WNK1: variants seen among roughly 807,000 people sequenced by gnomAD.
WNK1 encodes serine/threonine-protein kinase WNK1.
WNK1 carries 38 observed loss-of-function variants against 222.8 expected under a neutral mutation model. That is an observed-to-expected ratio of 0.17 (90% confidence interval 0.13 to 0.22). The LOEUF (loss-of-function observed/expected upper bound fraction) is 0.22, where lower values mean the gene tolerates loss of function less well. WNK1 is among the 10% of genes least tolerant of loss of function. The pLI, the probability that WNK1 is intolerant of heterozygous loss-of-function variation, is 1.00. For synonymous variants in WNK1, 1,090 were observed against 1,092.9 expected (o/e 1.00, Z 0.05); for missense variants, 2,348 against 2,918.4 (o/e 0.80, Z 4.50).
At chr12:863,476 ATTAC>A (rs1430520355) in intron 8 of WNK1, among the ~76,000 whole-genome samples, 2 of 152,082 alleles carry the variant, frequency 1.3e-5, no homozygotes, top group Non-Finnish European at 2.9e-5. Context: ...TCTGACAAAT[ATTAC>A]TTGTCAGCAT....
intron 11 of WNK1, 25 bp from the exon 12 acceptor site, chr12:880,696 C>G: frequency 1.2e-6 from 2 of 1,610,624 alleles, no homozygotes; most frequent in Non-Finnish European, 1.7e-6. Flanking sequence ...CCTGCTCTAA[C>G]TCACCTTCCT....
chr12:854,366 TG>T (rs66983952), intron 4 of WNK1, among the ~76,000 whole-genome samples: 1,428 of 138,200 alleles, frequency 0.01, 123 homozygotes, highest in African/African-American at 0.033. Context: ...TTTTTTTTTT[TG>T]TTTTTTTTGA....
intron 1 of WNK1, among the ~76,000 whole-genome samples, chr12:767,233 G>GGT (rs1941838763): frequency 9.2e-6 from 1 of 108,484 alleles, no homozygotes; most frequent in African/African-American, 3.9e-5. Flanking sequence ...TGGGTTGATA[G>GGT]GTTTTTTTTT....
chr12:806,972 C>G (rs1024006726), intron 1 of WNK1, among the ~76,000 whole-genome samples: 1 of 152,132 alleles, frequency 6.6e-6, no homozygotes, highest in South Asian at 2.1e-4. Flanking sequence ...TTTCCTGACT[C>G]TTCAAATCTT....
At chr12:823,679 T>C (rs1049686383) in intron 2 of WNK1, among the ~76,000 whole-genome samples, 5 of 152,250 alleles carry the variant, frequency 3.3e-5, no homozygotes, top group African/African-American at 7.2e-5. Context: ...GCAGCCATTG[T>C]TCTCAGCATT....
intron 1 of WNK1, among the ~76,000 whole-genome samples, chr12:774,868 C>G (rs554252374): frequency 6.6e-6 from 1 of 152,246 alleles, no homozygotes; most frequent in Non-Finnish European, 1.5e-5. Context: ...GTGCTTTTCT[C>G]CCCTAACCAG....
intron 23 of WNK1, 121 bp downstream of exon 23, chr12:894,756 CTT>C (rs1954590946): frequency 6.1e-6 from 5 of 821,602 alleles, no homozygotes; most frequent in Admixed American, 2.1e-5. Context: ...TCACATAGTA[CTT>C]TATAGCTCTT....
chr12:853,767 T>C (rs975236249), intron 4 of WNK1, among the ~76,000 whole-genome samples: 2 of 152,178 alleles, frequency 1.3e-5, no homozygotes, highest in Admixed American at 6.5e-5. Context: ...ACTTTTTTTT[T>C]TGAGACAGGG....
intron 1 of WNK1, chr12:781,016 C>T (rs909732146): frequency 1.3e-5 from 2 of 152,482 alleles, no homozygotes; most frequent in Admixed American, 6.5e-5. Context: ...TACATTGTGA[C>T]TTAGTATATG....
chr12:757,387 G>A (rs932873115), intron 1 of WNK1, among the ~76,000 whole-genome samples: 5 of 139,146 alleles, frequency 3.6e-5, no homozygotes, highest in South Asian at 4.7e-4. Context: ...GTGCAGTGGC[G>A]CAATCTGAGC....
chr12:764,806 G>A (rs1183808251), intron 1 of WNK1, among the ~76,000 whole-genome samples: 2 of 147,080 alleles, frequency 1.4e-5, no homozygotes, highest in African/African-American at 4.9e-5. Flanking sequence ...CACTGGTAAT[G>A]CCCTAGATTT....
intron 10 of WNK1, 127 bp from the exon 11 acceptor site, chr12:879,446 G>GT (rs35003296): frequency 0.013 from 6,930 of 518,128 alleles, 1 homozygote; most frequent in Middle Eastern, 0.024. Context: ...TTGGTTTGGT[G>GT]TTTTTTTTTT....
intron 1 of WNK1, among the ~76,000 whole-genome samples, chr12:778,483 A>G (rs1021416208): frequency 2.6e-5 from 4 of 151,740 alleles, no homozygotes; most frequent in African/African-American, 7.3e-5. Flanking sequence ...CAGGCATGCC[A>G]TCACGCCTGG....
intron 1 of WNK1, among the ~76,000 whole-genome samples, chr12:786,578 C>A (rs1208473255): frequency 6.6e-6 from 1 of 151,740 alleles, no homozygotes; most frequent in South Asian, 2.1e-4. Flanking sequence ...AGTGATTCTC[C>A]TGCCTCAGTT....
At chr12:779,667 G>C (rs1387063143) in intron 1 of WNK1, among the ~76,000 whole-genome samples, 10 of 152,102 alleles carry the variant, frequency 6.6e-5, no homozygotes, top group Admixed American at 3.3e-4. Flanking sequence ...CTCCCAAAGT[G>C]CTGGGATTAC....
chr12:791,793 C>G (rs1944869739), intron 1 of WNK1, among the ~76,000 whole-genome samples: 1 of 151,960 alleles, frequency 6.6e-6, no homozygotes, highest in Non-Finnish European at 1.5e-5. Context: ...TATCTCTAAT[C>G]TTAAATTGGG....
At chr12:886,157 C>T (rs1411007756) in intron 19 of WNK1, 73 bp downstream of exon 19, 1 of 1,307,332 alleles carries the variant, frequency 7.6e-7, no homozygotes, top group African/African-American at 1.5e-5. Flanking sequence ...ACATTTTTCA[C>T]TTCAGCCTTG....
chr12:760,862 C>T (rs1459167160), intron 1 of WNK1, among the ~76,000 whole-genome samples: 1 of 146,456 alleles, frequency 6.8e-6, no homozygotes, highest in African/African-American at 2.4e-5. Flanking sequence ...AAACCTCCAC[C>T]TCCTGTGTTC....
intron 1 of WNK1, among the ~76,000 whole-genome samples, chr12:789,678 A>G (rs1307111762): frequency 2.6e-5 from 4 of 152,018 alleles, no homozygotes; most frequent in African/African-American, 9.7e-5. Context: ...GTATGCCACC[A>G]AACGCCAGGC....
Sources: gnomAD v4.1 joint callset for allele counts (sites outside exome capture counted in the v4.1 genomes callset) on GRCh38, gnomAD v4.1.1 for gene constraint, MANE v1.5 for transcripts, NCBI Gene and HGNC (gene_info 2026-07-23, HGNC 2026-07-21) for gene names.